The following DPP10 variants were observed in gnomAD, a reference collection of about 807,000 sequenced individuals.
The protein encoded by DPP10 is dipeptidyl peptidase like 10, also known as inactive dipeptidyl peptidase 10.
In DPP10, 33 loss-of-function variants were observed where a neutral mutation model predicts 120.9. The ratio of observed to expected loss-of-function variants is 0.27; its 90% confidence interval spans 0.21 to 0.37. The LOEUF (loss-of-function observed/expected upper bound fraction) is 0.37, where lower values mean the gene tolerates loss of function less well. Among genes scored for constraint, DPP10 ranks in the 10% least tolerant of loss-of-function variants. The pLI, the probability that DPP10 is intolerant of heterozygous loss-of-function variation, is 1.00. For synonymous variants in DPP10, 337 were observed against 326.1 expected (o/e 1.03, Z -0.36); for missense variants, 816 against 942.8 (o/e 0.87, Z 1.76).
chr2:115,085,373 C>T (rs1386769354), intron 1 of DPP10, among the ~76,000 whole-genome samples: 2 of 152,002 alleles, frequency 1.3e-5, no homozygotes, highest in African/African-American at 2.4e-5. Context: ...TGGAAACCTA[C>T]CTTTGCTGGA....
intron 1 of DPP10, among the ~76,000 whole-genome samples, chr2:115,032,478 T>C (rs1199380354): frequency 6.6e-6 from 1 of 152,332 alleles, no homozygotes; most frequent in African/African-American, 2.4e-5. Flanking sequence ...TATTTTCCTT[T>C]AGCAATAATC....
intron 1 of DPP10, among the ~76,000 whole-genome samples, chr2:114,698,272 T>A: frequency 6.6e-6 from 1 of 151,778 alleles, no homozygotes; most frequent in Non-Finnish European, 1.5e-5. Flanking sequence ...AAGAGGCCCA[T>A]AAGGAAAAAA....
At chr2:115,706,363 T>C (rs1030644704) in intron 7 of DPP10, among the ~76,000 whole-genome samples, 4 of 152,002 alleles carry the variant, frequency 2.6e-5, no homozygotes, top group African/African-American at 9.7e-5. Context: ...TCACAATTTC[T>C]GTGGCACGTC....
chr2:115,524,811 T>G (rs187966232), intron 4 of DPP10, among the ~76,000 whole-genome samples: 4 of 152,098 alleles, frequency 2.6e-5, no homozygotes, highest in Non-Finnish European at 4.4e-5. Context: ...ACAAAAGACA[T>G]TTCTATCATT....
At chr2:115,398,629 A>G (rs906809752) in intron 3 of DPP10, among the ~76,000 whole-genome samples, 1 of 152,042 alleles carries the variant, frequency 6.6e-6, no homozygotes, top group Non-Finnish European at 1.5e-5. Flanking sequence ...TCAATAGTCT[A>G]TGGTGTCCTA....
chr2:115,352,974 A>T (rs1448320084), intron 3 of DPP10, among the ~76,000 whole-genome samples: 2 of 152,024 alleles, frequency 1.3e-5, no homozygotes, highest in East Asian at 1.9e-4. Context: ...TATGGTAATG[A>T]TCATGACTAA....
rs753196678 is a variant in DPP10 at position 115,836,140 on chromosome 2, A to G, written c.1951-17A>G. The G allele has an allele frequency of 7.5e-7, 1 of 1,325,206 alleles. No homozygotes were observed. The highest frequency in any genetic ancestry group is 2.5e-5 in the East Asian group (1 of 39,814). 82.1% of individuals were successfully genotyped at this position (1,325,206 alleles called of 1,614,324 possible). A position where few individuals can be genotyped will look rare whatever the true frequency, so the allele number is the denominator to read the frequency against. On this transcript the variant is annotated splice_polypyrimidine_tract_variant and intron_variant, in intron 21 of 25. Transcript: ENST00000410059. ...GTGAGATATATATATATATATATAT[A>G]TATTTTTCCCCCCCAGGGTTATGGT...
chr2:115,648,699 A>C (rs2087494705), intron 5 of DPP10, among the ~76,000 whole-genome samples: 1 of 152,112 alleles, frequency 6.6e-6, no homozygotes, highest in Non-Finnish European at 1.5e-5. Flanking sequence ...TATTCTAGGT[A>C]ATTTACATAG....
intron 4 of DPP10, among the ~76,000 whole-genome samples, chr2:115,509,064 T>A (rs1343997024): frequency 1.3e-5 from 2 of 151,988 alleles, no homozygotes; most frequent in Non-Finnish European, 2.9e-5. Context: ...GGTTGGAGAA[T>A]TAAGTAGTGG....
chr2:114,873,572 C>T (rs1001717465), intron 1 of DPP10, among the ~76,000 whole-genome samples: 3 of 152,256 alleles, frequency 2.0e-5, no homozygotes, highest in East Asian at 3.9e-4. Context: ...GAGCAGCTGT[C>T]ATGGCTGCGT....
Position 115,796,739 on chromosome 2 carries a change from T to A in DPP10, c.1700+5383T>A, listed in dbSNP as rs570163952. 2.1e-4 allele frequency among the ~76,000 whole-genome samples: 32 copies of A among 152,202 alleles called. No individual in the cohort carries two copies. The South Asian group carries it at 6.4e-3, about 31-fold the overall frequency. Reference sequence around the variant, plus strand: ...ATTGATATTAGCTACCATTTATTGTTATTGTGCAAAGAGTGTCTTGCTGAG... The same window carrying A: ...ATTGATATTAGCTACCATTTATTGTAATTGTGCAAAGAGTGTCTTGCTGAG... On this transcript the variant is annotated intron_variant, in intron 19 of 25. Transcript: ENST00000410059.
At chr2:115,537,879 C>G (rs1459079910) in intron 5 of DPP10, among the ~76,000 whole-genome samples, 1 of 151,900 alleles carries the variant, frequency 6.6e-6, no homozygotes, top group Non-Finnish European at 1.5e-5. Flanking sequence ...TTCAAAGTGG[C>G]TCATTCACAT....
chr2:114,477,208 A>G (rs1680481810), intron 1 of DPP10, among the ~76,000 whole-genome samples: 1 of 151,602 alleles, frequency 6.6e-6, no homozygotes, highest in South Asian at 2.1e-4. Flanking sequence ...ATCCAAGGCC[A>G]AGGACTCCCA....
chr2:115,095,574 G>GTTTTTTTTTTTTTTTTTTTTTTTTTTT, intron 1 of DPP10, among the ~76,000 whole-genome samples: 1 of 137,722 alleles, frequency 7.3e-6, no homozygotes, highest in South Asian at 2.4e-4. Flanking sequence ...ATTCTGTTTG[G>GTTTTTTTTTTTTTTTTTTTTTTTTTTT]TTTTTTTTTT....
At chr2:115,245,088 T>C (rs1559305067) in intron 1 of DPP10, among the ~76,000 whole-genome samples, 1 of 152,170 alleles carries the variant, frequency 6.6e-6, no homozygotes, top group East Asian at 1.9e-4. Context: ...ACTGAGGACA[T>C]GTGATATTTG....
intron 1 of DPP10, among the ~76,000 whole-genome samples, chr2:114,731,564 A>G (rs1471272712): frequency 6.6e-6 from 1 of 152,142 alleles, no homozygotes; most frequent in African/African-American, 2.4e-5. Flanking sequence ...TCCCTCTCAC[A>G]GGAAACTTAC....
chr2:115,495,365 G>GAAAAAAAAAAAAAAAA (rs3039998), intron 3 of DPP10, among the ~76,000 whole-genome samples: 9 of 82,240 alleles, frequency 1.1e-4, no homozygotes, highest in African/African-American at 3.2e-4. Context: ...GCCATTTTCT[G>GAAAAAAAAAAAAAAAA]AAAAAAAAAA....
At chr2:115,507,186 T>C (rs564181779) in intron 4 of DPP10, among the ~76,000 whole-genome samples, 1 of 152,276 alleles carries the variant, frequency 6.6e-6, no homozygotes, top group East Asian at 1.9e-4. Context: ...TCTTAAAAAC[T>C]TGTAGAGATT....
intron 24 of DPP10, 136 bp from the exon 25 acceptor site, chr2:115,840,614 G>A (rs993885407): frequency 1.2e-5 from 10 of 852,850 alleles, no homozygotes; most frequent in East Asian, 5.8e-5. Context: ...GTGAGCCACC[G>A]TGCCCAGCCA....
Sources: allele counts gnomAD v4.1 joint callset (sites outside exome capture counted in the v4.1 genomes callset), GRCh38; gene constraint gnomAD v4.1.1; transcripts MANE v1.5; gene names NCBI Gene and HGNC (gene_info 2026-07-23, HGNC 2026-07-21).